Variants in FABP12 observed in about 807,000 individuals in gnomAD.
FABP12 encodes fatty acid-binding protein 12.
Under a neutral mutation model 13.7 loss-of-function variants are expected in FABP12, and 19 were observed. That is an observed-to-expected ratio of 1.39 (90% CI 0.97 to 2.04). The LOEUF (loss-of-function observed/expected upper bound fraction) is 2.04. Ranked by LOEUF, FABP12 falls within the 30% of genes most tolerant of loss-of-function variation. The pLI, the probability that FABP12 is intolerant of heterozygous loss-of-function variation, is 0.00. For synonymous variants in FABP12, 61 were observed against 57.0 expected, an observed-to-expected ratio of 1.07 and a Z score of -0.32; for missense variants, 182 against 164.2, an observed-to-expected ratio of 1.11 and a Z score of -0.59.
chr8:81,526,386 T>C (rs557257316), intron 4 of FABP12: 3 of 152,144 alleles, frequency 2.0e-5, no homozygotes, highest in Non-Finnish European at 4.4e-5. Flanking sequence ...CTATAAAATA[T>C]AGAGTGTTCA....
chr8:81,553,547 A>C (rs959012245), intron 1 of FABP12, among the ~76,000 whole-genome samples: 1 of 152,142 alleles, frequency 6.6e-6, no homozygotes, highest in Non-Finnish European at 1.5e-5. Context: ...AAATTCAGAA[A>C]TGGGAGAACC....
rs1585860589 is a variant in FABP12, at chr8:81,580,058, C to T, written c.-185+9995G>A. On this transcript the variant is annotated intron_variant, in intron 1 of 5. Coordinates refer to the FABP12 transcript ENST00000692030. ...CTGGTACTTGCCAGTAAGAGAAAAG[C>T]GTGACAATTGTCCCTATATTGTTGC... 3.3e-5 allele frequency among the ~76,000 whole-genome samples: 5 copies of T among 152,260 alleles called. 1 individual carries two copies. In the South Asian group the frequency reaches 8.3e-4, roughly 25 times the overall value.
upstream of FABP12, among the ~76,000 whole-genome samples, chr8:81,538,273 A>G (rs1809271751): frequency 6.6e-6 from 1 of 152,188 alleles, no homozygotes; most frequent in African/African-American, 2.4e-5. Context: ...GGGGATTATT[A>G]CATCTCAGTA....
At chr8:81,544,908 G>A (rs994031131) in intron 1 of FABP12, among the ~76,000 whole-genome samples, 1 of 152,200 alleles carries the variant, frequency 6.6e-6, no homozygotes, top group Non-Finnish European at 1.5e-5. Flanking sequence ...AGAGTTTACT[G>A]AGTGGAAACT....
intron 1 of FABP12, among the ~76,000 whole-genome samples, chr8:81,541,189 A>G (rs1809333147): frequency 6.6e-6 from 1 of 151,910 alleles, no homozygotes; most frequent in Non-Finnish European, 1.5e-5. Flanking sequence ...AAAATCAACA[A>G]ATATAAAAAG....
At chr8:81,533,460 G>A (rs1052062814) in intron 1 of FABP12, among the ~76,000 whole-genome samples, 39 of 151,994 alleles carry the variant, frequency 2.6e-4, no homozygotes, top group Non-Finnish European at 2.6e-4. Flanking sequence ...CAGACGATTC[G>A]CTTCCACCCA....
chr8:81,531,510 A>G (rs1809074960), intron 1 of FABP12, 120 bp from the exon 2 acceptor site: 1 of 527,116 alleles, frequency 1.9e-6, no homozygotes, highest in Non-Finnish European at 3.3e-6. Flanking sequence ...GCTTTCTTAA[A>G]TTTAAATACA....
intron 1 of FABP12, among the ~76,000 whole-genome samples, chr8:81,578,838 T>TTTTTTTTTTTTTTTTTTTTTTTTTTA (rs1563558516): frequency 2.8e-5 from 4 of 144,248 alleles, no homozygotes; most frequent in African/African-American, 1.0e-4. Context: ...TTTTTTTTTT[T>TTTTTTTTTTTTTTTTTTTTTTTTTTA]TTTTGAGAAG....
chr8:81,557,397 T>A (rs1563551541), intron 1 of FABP12, among the ~76,000 whole-genome samples: 1 of 152,222 alleles, frequency 6.6e-6, no homozygotes, highest in Non-Finnish European at 1.5e-5. Flanking sequence ...CAGGTAGAAG[T>A]TAACTAACTC....
chr8:81,581,993 A>G (rs1442108140), intron 1 of FABP12, among the ~76,000 whole-genome samples: 1 of 152,222 alleles, frequency 6.6e-6, no homozygotes, highest in East Asian at 1.9e-4. Context: ...AAAGAAAAAA[A>G]CAAAAAATAA....
intron 1 of FABP12, among the ~76,000 whole-genome samples, chr8:81,562,326 G>A (rs1013363647): frequency 3.9e-5 from 6 of 152,170 alleles, no homozygotes; most frequent in African/African-American, 1.4e-4. Context: ...TGGCTTCAGG[G>A]GTGACCCAGT....
At chr8:81,557,349 C>T (rs1021383052) in intron 1 of FABP12, among the ~76,000 whole-genome samples, 1 of 152,180 alleles carries the variant, frequency 6.6e-6, no homozygotes, top group African/African-American at 2.4e-5. Flanking sequence ...TATTTTAAGA[C>T]AGTTGGCATT....
At chr8:81,580,435 G>A (rs1810138266) in intron 1 of FABP12, among the ~76,000 whole-genome samples, 1 of 151,986 alleles carries the variant, frequency 6.6e-6, no homozygotes, top group Non-Finnish European at 1.5e-5. Context: ...TCAACAAAAT[G>A]AGCTCATTAA....
chr8:81,586,650 A>G (rs567245547), intron 1 of FABP12, among the ~76,000 whole-genome samples: 1 of 152,086 alleles, frequency 6.6e-6, no homozygotes, highest in African/African-American at 2.4e-5. Context: ...TCTTTTGAGA[A>G]GTGTCTGTTC....
At chr8:81,562,939 G>A (rs574830550) in intron 1 of FABP12, among the ~76,000 whole-genome samples, 1 of 152,208 alleles carries the variant, frequency 6.6e-6, no homozygotes, top group African/African-American at 2.4e-5. Context: ...AATGTAAGTG[G>A]TAGTCAGGCA....
At chr8:81,561,087 A>T (rs896079508) in intron 1 of FABP12, among the ~76,000 whole-genome samples, 1 of 152,158 alleles carries the variant, frequency 6.6e-6, no homozygotes, top group Admixed American at 6.5e-5. Flanking sequence ...CCTAGAAGCA[A>T]CAGGATTTGG....
intron 1 of FABP12, among the ~76,000 whole-genome samples, chr8:81,561,999 C>T (rs891157029): frequency 6.6e-6 from 1 of 152,168 alleles, no homozygotes; most frequent in Non-Finnish European, 1.5e-5. Context: ...ATGCCTCTTC[C>T]AACACCAGGC....
rs560397406 is a variant in FABP12 at position 81,582,105 on chromosome 8, T to C, written c.-185+7948A>G. On this transcript the variant is annotated intron_variant, in intron 1 of 5. Coordinates refer to the FABP12 transcript ENST00000692030. ...TAAATTTCCACTTAAAAGAAATACA[T>C]TGGCTAACTGGAATTTTTTTTTTTT... Among the ~76,000 whole-genome samples, 38 of 149,034 alleles carry C rather than the reference T, an allele frequency of 2.5e-4. No homozygotes were observed. In the South Asian group the frequency reaches 7.2e-3, roughly 28 times the overall value.
At chr8:81,575,993 A>C (rs759434078) in intron 1 of FABP12, among the ~76,000 whole-genome samples, 1 of 152,238 alleles carries the variant, frequency 6.6e-6, no homozygotes, top group Non-Finnish European at 1.5e-5. Context: ...CCGCTGTTCT[A>C]TATAGCTAAT....
Sources: gnomAD v4.1 joint callset for allele counts (sites outside exome capture counted in the v4.1 genomes callset) on GRCh38, gnomAD v4.1.1 for gene constraint, MANE v1.5 for transcripts, NCBI Gene and HGNC (gene_info 2026-07-23, HGNC 2026-07-21) for gene names.